The following PCNX2 variants were observed in gnomAD, a reference collection of about 807,000 sequenced individuals.
PCNX2 encodes the protein pecanex-like protein 2.
A neutral mutation model predicts 223.8 loss-of-function variants in PCNX2; 168 were observed. The ratio of observed to expected loss-of-function variants is 0.75; its 90% CI spans 0.66 to 0.85. The LOEUF is 0.85. Among genes scored for constraint, PCNX2 ranks in the 40% least tolerant of loss-of-function variants. The pLI is 0.00. For missense variants in PCNX2, 2,507 were observed against 2,675.5 expected (o/e 0.94, Z 1.39); for synonymous variants, 1,006 against 1,052.6 (o/e 0.96, Z 0.86).
At chr1:233,024,223 A>G (rs1048390030) in intron 26 of PCNX2, among the ~76,000 whole-genome samples, 5 of 152,154 alleles carry the variant, frequency 3.3e-5, no homozygotes, top group African/African-American at 1.2e-4. Flanking sequence ...ATTTATTCCA[A>G]ATTTCTCAAT....
At chr1:233,009,048 G>C (rs1670376936) in intron 28 of PCNX2, among the ~76,000 whole-genome samples, 1 of 152,160 alleles carries the variant, frequency 6.6e-6, no homozygotes, top group Non-Finnish European at 1.5e-5. Context: ...TGGCCAGTAG[G>C]AGCAAGGACT....
At chr1:233,292,201 T>C (rs534461416) in intron 1 of PCNX2, among the ~76,000 whole-genome samples, 92 of 144,354 alleles carry the variant, frequency 6.4e-4, no homozygotes, top group Non-Finnish European at 1.1e-3. Context: ...TTTCTTTCTT[T>C]CTTTTTTTTT....
intron 21 of PCNX2, among the ~76,000 whole-genome samples, chr1:233,098,986 T>A (rs907740399): frequency 6.6e-6 from 1 of 152,208 alleles, no homozygotes; most frequent in Non-Finnish European, 1.5e-5. Context: ...CACAACCTAG[T>A]AATTTTAGAG....
intron 25 of PCNX2, chr1:233,033,181 G>A: frequency 1.0e-6 from 1 of 985,400 alleles, no homozygotes; most frequent in Non-Finnish European, 1.2e-6. Flanking sequence ...TTGTGGCTGT[G>A]TTTGCACTGT....
At chr1:233,129,190 G>A (rs1028794208) in intron 21 of PCNX2, among the ~76,000 whole-genome samples, 5 of 152,232 alleles carry the variant, frequency 3.3e-5, no homozygotes, top group South Asian at 2.1e-4. Flanking sequence ...CCGGATGGGC[G>A]TGGGCTTGGC....
At chr1:233,054,635 G>T in intron 24 of PCNX2, 152 bp from the exon 25 acceptor site, 1 of 650,778 alleles carries the variant, frequency 1.5e-6, no homozygotes, top group South Asian at 2.0e-5. Flanking sequence ...CATTTTAGTG[G>T]ATTATATGAG....
In PCNX2 at chr1:233,295,493, G is replaced by A. The variant is rs753129459; in HGVS notation, c.-15C>T. 14 of 1,543,782 alleles carry A rather than the reference G, an allele frequency of 9.1e-6. No individual in the cohort carries two copies. The highest frequency in any genetic ancestry group is 4.2e-4 in the Middle Eastern group (2 of 4,720). On this transcript the variant is annotated 5_prime_UTR_variant, in exon 1 of 34. Transcript: ENST00000258229. This position sits in a 1 kb window ranked among gnomAD's most constrained non-coding sequence, Gnocchi z 4.1. ...TGGGACACCATGCCGGCTGCGCCCC[G>A]GGGCTGGTGAGCGCCCCGCTGCACC...
At position 233,236,851 on chromosome 1, in the gene PCNX2, G is replaced by A. The variant is rs985399802; in HGVS notation, c.2352C>T (p.Thr784=). ...AATTCTGGAATGTACGTACCCGTGG[G>A]GTTTCCGACTGGGTCCTGCGAGCCA... ...LMVARRTQSE[T]PRHVSQDLEA... The change falls in exon 9 of 34, where the codon ACC becomes ACT. Residue 784 remains threonine (T), a synonymous_variant. Transcript: ENST00000258229. The A allele has an allele frequency of 9.3e-6, 15 of 1,613,622 alleles. No homozygotes were observed. Among genetic ancestry groups the A allele is most frequent in the Non-Finnish European group, 1.2e-5 (14 of 1,179,842 alleles).
At chr1:233,054,715 A>G (rs765259506) in intron 24 of PCNX2, 86 of 427,922 alleles carry the variant, frequency 2.0e-4, no homozygotes, top group Non-Finnish European at 3.1e-4. Context: ...CGATTTATAT[A>G]TATGTGCTAT....
At chr1:233,202,142 T>C in intron 13 of PCNX2, 1 of 463,732 alleles carries the variant, frequency 2.2e-6, no homozygotes, top group Non-Finnish European at 4.5e-6. Context: ...AGCCAAATGC[T>C]TGTTATGTTA....
At chr1:233,233,556 G>A (rs772386259) in intron 9 of PCNX2, among the ~76,000 whole-genome samples, 1 of 151,532 alleles carries the variant, frequency 6.6e-6, no homozygotes, top group Admixed American at 6.6e-5. Flanking sequence ...CACACACACT[G>A]TATTTGTACC....
chr1:233,323,441 A>AT, the PCNX2 span, among the ~76,000 whole-genome samples: 1 of 152,312 alleles, frequency 6.6e-6, no homozygotes, highest in East Asian at 1.9e-4. Context: ...CAGATACTGC[A>AT]TTTTTTACAA....
chr1:233,319,708 AT>A, the PCNX2 span, among the ~76,000 whole-genome samples: 5 of 152,188 alleles, frequency 3.3e-5, no homozygotes. Context: ...CAATTCTCAA[AT>A]TTTTTTGATC....
intron 21 of PCNX2, among the ~76,000 whole-genome samples, chr1:233,130,565 A>C (rs1292271686): frequency 1.3e-5 from 2 of 149,652 alleles, no homozygotes; most frequent in African/African-American, 4.9e-5. Flanking sequence ...GCTCACTGCA[A>C]GCTCCACCTC....
chr1:233,041,127 C>A (rs1233308138), intron 25 of PCNX2, among the ~76,000 whole-genome samples: 2 of 152,158 alleles, frequency 1.3e-5, no homozygotes, highest in Non-Finnish European at 2.9e-5. Flanking sequence ...TTGACACTCA[C>A]TTGGTTCAAC....
At chr1:233,217,828 G>C in intron 12 of PCNX2, 71 bp downstream of exon 12, 6 of 1,579,552 alleles carry the variant, frequency 3.8e-6, no homozygotes, top group Non-Finnish European at 5.2e-6. Context: ...CCTTTGACTA[G>C]ATTTTGGCTT....
At chr1:232,995,844 A>C (rs2102788287) in intron 32 of PCNX2, among the ~76,000 whole-genome samples, 1 of 152,220 alleles carries the variant, frequency 6.6e-6, no homozygotes, top group East Asian at 1.9e-4. Context: ...GTGCTGTTTT[A>C]TAGGAAGAAA....
intron 1 of PCNX2, chr1:233,289,509 A>C (rs1661638409): frequency 1.4e-6 from 1 of 732,444 alleles, no homozygotes; most frequent in East Asian, 2.7e-5. Flanking sequence ...ATGCCTTTTA[A>C]GCAACTCCAT....
chr1:232,986,309 C>T lies in PCNX2; in HGVS notation c.6023G>A (p.Ser2008Asn), dbSNP rs1301267790. 1.3e-6 allele frequency: 2 copies of T among 1,581,518 alleles called. No homozygotes were observed. Among genetic ancestry groups the T allele is most frequent in the East Asian group, 2.3e-5 (1 of 43,142 alleles). The change falls in exon 33 of 34, where the codon AGT (serine) becomes AAT (asparagine). Residue 2008 changes from serine to asparagine, a missense_variant. Coordinates refer to ENST00000258229, the MANE Select transcript of PCNX2 (RefSeq NM_014801.4). ...GAGCGCCTCGGCCCGCTCACGGACA[C>T]TCAGGTGGCCGGTGGTGGTGACGGG... ...PPPVTTTGHL[S>N]VRERAEALIR... is the part of the protein sequence containing the mutation.
Sources: gnomAD v4.1 joint callset for allele counts (sites outside exome capture counted in the v4.1 genomes callset) on GRCh38, gnomAD v4.1.1 for gene constraint, Gnocchi (gnomAD v3.1) non-coding constraint, MANE v1.5 for transcripts, NCBI Gene and HGNC (gene_info 2026-07-23, HGNC 2026-07-21) for gene names.